GFI1B: variants seen among roughly 807,000 people sequenced by gnomAD.
GFI1B encodes the protein growth factor independent 1B transcriptional repressor.
Under a neutral mutation model 35.3 loss-of-function variants are expected in GFI1B, and 20 were observed. The observed-to-expected ratio is 0.57, with a 90% CI of 0.40 to 0.82. GFI1B has a LOEUF of 0.82. Among genes scored for constraint, GFI1B ranks in the 40% least tolerant of loss-of-function variants. The probability of loss-of-function intolerance (pLI) is 0.00; values close to 1 mark genes in which losing one functional copy is unlikely to be tolerated. For missense variants in GFI1B, 430 were observed against 446.3 expected (o/e 0.96, Z 0.33); for synonymous variants, 178 against 177.6 (o/e 1.00, Z -0.02).
intron 1 of GFI1B, among the ~76,000 whole-genome samples, chr9:132,968,730 G>A (rs1848487842): frequency 6.6e-6 from 1 of 152,168 alleles, no homozygotes; most frequent in South Asian, 2.1e-4. Flanking sequence ...CTGTACCTCT[G>A]CTTTCCCCAT....
chr9:132,986,623 GT>G, intron 1 of GFI1B, 35 bp from the exon 2 acceptor site: 1 of 1,052,726 alleles, frequency 9.5e-7, no homozygotes, highest in South Asian at 1.3e-5. Flanking sequence ...TTGTTCTCTT[GT>G]CCTTCCTAAC....
intron 1 of GFI1B, chr9:132,953,460 C>G (rs1848233008): frequency 6.6e-6 from 1 of 151,770 alleles, no homozygotes; most frequent in South Asian, 2.1e-4. Context: ...TCGAGACCAG[C>G]CTGGGCAACA....
chr9:132,988,184 G>T lies in GFI1B; in HGVS notation c.239-13G>T. On this transcript the variant is annotated splice_polypyrimidine_tract_variant and intron_variant, in intron 3 of 6. Coordinates refer to ENST00000372122, the MANE Select transcript of GFI1B (RefSeq NM_001377304.1). ...TTAAATGAGTAACCAGGCCTGTGTC[G>T]TTATCTCCACAGAGGGCCCCATTGT... 3 of 1,613,252 alleles carry T rather than the reference G, an allele frequency of 1.9e-6. No individual in the cohort carries two copies. The highest frequency in any genetic ancestry group is 2.5e-6 in the Non-Finnish European group (3 of 1,179,246).
chr9:132,960,243 G>A (rs192035873), intron 1 of GFI1B, among the ~76,000 whole-genome samples: 21 of 152,324 alleles, frequency 1.4e-4, no homozygotes, highest in Non-Finnish European at 2.9e-5. Context: ...TGGGCTTTAC[G>A]ACAGTAGGAC....
Position 132,989,717 on chromosome 9 carries a change from C to T in GFI1B, c.649-25C>T, listed in dbSNP as rs1298677713. 1 of 1,608,814 alleles carries T rather than the reference C, an allele frequency of 6.2e-7. No individual in the cohort carries two copies. The highest frequency in any genetic ancestry group is 2.2e-5 in the East Asian group (1 of 44,814). ...CCAGTCCTGAGCCTGCACCTGACCCCCCGGGGCCTCATTTCCTCCGGCAGG... is the reference window on the plus strand; with the variant it reads ...CCAGTCCTGAGCCTGCACCTGACCCTCCGGGGCCTCATTTCCTCCGGCAGG... On this transcript the variant is annotated intron_variant, in intron 5 of 6. Coordinates refer to ENST00000372122, the MANE Select transcript of GFI1B (RefSeq NM_001377304.1). This position sits in a 1 kb window ranked among gnomAD's most constrained non-coding sequence, Gnocchi z 6.2.
In GFI1B at chr9:132,989,872, A is replaced by T; in HGVS notation, c.779A>T (p.Lys260Met). The T allele has an allele frequency of 1.9e-6, 3 of 1,614,146 alleles. No homozygotes were observed. The highest frequency in any genetic ancestry group is 2.5e-6 in the Non-Finnish European group (3 of 1,180,012). The change falls in exon 6 of 7, where the codon AAG becomes ATG. Residue 260 changes from lysine to methionine, a missense_variant. Coordinates refer to ENST00000372122, the MANE Select transcript of GFI1B (RefSeq NM_001377304.1). The surrounding 1 kb of genome is among the most constrained non-coding windows in gnomAD (Gnocchi z 6.2). Reference protein sequence around the residue: ...CQFCGKRFHQKSDMKKHTYIH... With the variant: ...CQFCGKRFHQMSDMKKHTYIH... ...TTCTGCGGCAAGCGTTTCCACCAGA[A>T]GTCCGACATGAAGAAGCACACCTAC...
chr9:132,946,081 A>G (rs1043562293), intron 1 of GFI1B, among the ~76,000 whole-genome samples: 1 of 152,146 alleles, frequency 6.6e-6, no homozygotes, highest in Non-Finnish European at 1.5e-5. Context: ...TTTGGCCCCT[A>G]TCCACCAGCC....
downstream of GFI1B, among the ~76,000 whole-genome samples, chr9:132,991,976 G>T (rs1047325829): frequency 1.3e-5 from 2 of 152,104 alleles, no homozygotes; most frequent in African/African-American, 2.4e-5. Flanking sequence ...AAACTTAGTG[G>T]CTTAAAACAA....
intron 6 of GFI1B, among the ~76,000 whole-genome samples, chr9:132,990,477 A>G (rs1849257029): frequency 6.6e-6 from 1 of 152,216 alleles, no homozygotes. Context: ...TTATTCACAC[A>G]TTCGCTCACT....
intron 1 of GFI1B, among the ~76,000 whole-genome samples, chr9:132,955,664 A>G (rs1848270639): frequency 1.3e-5 from 2 of 152,132 alleles, no homozygotes; most frequent in Non-Finnish European, 2.9e-5. Flanking sequence ...ATTTATGGTA[A>G]TTCTTACCTT....
intron 1 of GFI1B, among the ~76,000 whole-genome samples, chr9:132,957,688 G>A (rs899630454): frequency 2.4e-4 from 36 of 152,142 alleles, no homozygotes; most frequent in Non-Finnish European, 3.8e-4. Flanking sequence ...GTCGGTGGTA[G>A]CATTTCAATT....
chr9:132,974,261 A>G (rs1352712169), upstream of GFI1B, among the ~76,000 whole-genome samples: 1 of 152,222 alleles, frequency 6.6e-6, no homozygotes, highest in Non-Finnish European at 1.5e-5. Flanking sequence ...TGTAGCATGG[A>G]CATTCCTTGT....
chr9:132,965,679 G>C (rs576421330), intron 1 of GFI1B, among the ~76,000 whole-genome samples: 6 of 152,320 alleles, frequency 3.9e-5, no homozygotes, highest in African/African-American at 1.4e-4. Flanking sequence ...TCCAGGCCAA[G>C]GAATGCCAAA....
rs535694559 is a variant in GFI1B at position 132,984,180 on chromosome 9, C to T, written c.-20-2479C>T. On this transcript the variant is annotated intron_variant, in intron 1 of 6. Coordinates refer to ENST00000372122, the MANE Select transcript of GFI1B (RefSeq NM_001377304.1). The stretch of plus-strand genomic sequence containing the variant: ...AAACCATGACCCTCACAGGCCCCCT[C>T]AAAACAAAGTGCAAGGGGAACCCCA... Among the ~76,000 whole-genome samples, 25 of 152,314 alleles carry T rather than the reference C, an allele frequency of 1.6e-4. 1 individual carries two copies. In the South Asian group the frequency reaches 4.6e-3, roughly 28 times the overall value.
At chr9:132,962,435 G>A (rs1848381721) in intron 1 of GFI1B, 1 of 373,074 alleles carries the variant, frequency 2.7e-6, no homozygotes, top group Non-Finnish European at 5.4e-6. Context: ...TCCTCTCCTG[G>A]CCCATAAAAG....
chr9:132,963,011 G>C (rs369223415), intron 1 of GFI1B, among the ~76,000 whole-genome samples: 95 of 135,786 alleles, frequency 7.0e-4, no homozygotes, highest in African/African-American at 2.5e-3. Flanking sequence ...AAACCCAGGA[G>C]ACAGAGGTTG....
At chr9:132,962,627 C>G in intron 1 of GFI1B, 1 of 500,906 alleles carries the variant, frequency 2.0e-6, no homozygotes, top group Non-Finnish European at 4.0e-6. Context: ...AGGTACAACT[C>G]CAAAAGGAGA....
upstream of GFI1B, among the ~76,000 whole-genome samples, chr9:132,976,103 A>T (rs149437446): frequency 0.011 from 1,669 of 152,324 alleles, 10 homozygotes; most frequent in Non-Finnish European, 0.019. Context: ...GTGGGATTAC[A>T]ATCTTAGAAC....
At chr9:132,959,879 C>T (rs1848339085) in intron 1 of GFI1B, among the ~76,000 whole-genome samples, 1 of 152,190 alleles carries the variant, frequency 6.6e-6, no homozygotes, top group South Asian at 2.1e-4. Flanking sequence ...AGACCCCAGG[C>T]ATTGTATTTA....
Sources: allele counts gnomAD v4.1 joint callset (sites outside exome capture counted in the v4.1 genomes callset), GRCh38; gene constraint gnomAD v4.1.1; non-coding constraint Gnocchi (gnomAD v3.1); transcripts MANE v1.5; gene names NCBI Gene and HGNC (gene_info 2026-07-23, HGNC 2026-07-21).